CDKN2B-AS1: variants seen among roughly 807,000 people sequenced by gnomAD.
The protein encoded by CDKN2B-AS1 is CDKN2B antisense RNA 1 (non-protein coding).
At chr9:22,061,713 T>C (rs911077076) in intron 4 of CDKN2B-AS1, among the ~76,000 whole-genome samples, 5 of 152,166 alleles carry the variant, frequency 3.3e-5, no homozygotes, top group Non-Finnish European at 7.4e-5. Flanking sequence ...TCCCAGCCCT[T>C]ACAAGGTGTG....
At chr9:22,037,912 G>A (rs1296718345) in intron 1 of CDKN2B-AS1, among the ~76,000 whole-genome samples, 1 of 151,928 alleles carries the variant, frequency 6.6e-6, no homozygotes, top group African/African-American at 2.4e-5. Context: ...AGGGGAAAAT[G>A]AATATCCTAG....
rs145134970 is a variant in CDKN2B-AS1, at chr9:22,124,606, C to A, written n.439-2497C>A. Among the ~76,000 whole-genome samples the A allele has an allele frequency of 2.0e-4, 31 of 152,296 alleles. No individual in the cohort carries two copies. The East Asian group carries it at 6.0e-3, about 29-fold the overall frequency. ...AATTTTTTGTAGTAATTTCTCATCA[C>A]TTAACCTCTATTTTTTAAAAAACTA... On this transcript the variant is annotated intron_variant and non_coding_transcript_variant, in intron 4 of 4. Transcript: ENST00000650946.
intron 4 of CDKN2B-AS1, chr9:22,113,846 T>C (rs1825867122): frequency 6.6e-6 from 1 of 152,228 alleles, no homozygotes; most frequent in African/African-American, 2.4e-5. Flanking sequence ...GCTGAAAATT[T>C]CAATATCTGA....
intron 4 of CDKN2B-AS1, among the ~76,000 whole-genome samples, chr9:22,062,251 G>C (rs973489448): frequency 6.6e-6 from 1 of 152,138 alleles, no homozygotes; most frequent in Non-Finnish European, 1.5e-5. Context: ...TTGTTAGCAT[G>C]ATGAATGAAT....
intron 1 of CDKN2B-AS1, chr9:22,029,548 T>C (rs564398): frequency 0.33 from 257,433 of 778,638 alleles, 48,582 homozygotes; most frequent in Non-Finnish European, 0.41. Flanking sequence ...ACTTTCTTTG[T>C]GGTAGTTAGG....
Position 22,086,801 on chromosome 9 carries a change from C to T in CDKN2B-AS1, n.438+30414C>T, listed in dbSNP as rs145407265. Among the ~76,000 whole-genome samples the T allele has an allele frequency of 7.0e-4, 106 of 152,236 alleles. 1 individual carries two copies. The highest frequency in any genetic ancestry group is 3.4e-3 in the Middle Eastern group (1 of 292). ...TTATTTTATCTGGAATCTTAATAAA[C>T]GATTAGTTTCCAAACTGTATCTACT... On this transcript the variant is annotated intron_variant and non_coding_transcript_variant, in intron 4 of 4. Transcript: ENST00000650946.
chr9:22,071,286 T>C (rs1003639307), intron 4 of CDKN2B-AS1, among the ~76,000 whole-genome samples: 1 of 10,202 alleles, frequency 9.8e-5, no homozygotes, highest in African/African-American at 6.2e-4. Flanking sequence ...AATATCTAGC[T>C]TTTTTTTTTT....
In CDKN2B-AS1 at chr9:22,039,309, A is replaced by T. The variant is rs1359971207; in HGVS notation, n.30-7442A>T. ...CTTCCCATGTTCTCTCCCTGCAAGG[A>T]CCACCTCAAATCCCTCAGTAGTCCT... On this transcript the variant is annotated intron_variant and non_coding_transcript_variant, in intron 1 of 4. Coordinates refer to ENST00000650946, the Ensembl canonical transcript of CDKN2B-AS1. The surrounding 1 kb of genome is among the most constrained non-coding windows in gnomAD (Gnocchi z 4.4). 6.6e-6 allele frequency among the ~76,000 whole-genome samples: 1 copy of T among 152,006 alleles called. No homozygotes were observed. The highest frequency in any genetic ancestry group is 1.9e-4 in the East Asian group (1 of 5,178).
chr9:22,027,307 G>A (rs762758835), intron 1 of CDKN2B-AS1, among the ~76,000 whole-genome samples: 1 of 151,762 alleles, frequency 6.6e-6, no homozygotes, highest in Admixed American at 6.6e-5. Context: ...TCTAGGTCCA[G>A]CTCTTCCTGG....
intron 4 of CDKN2B-AS1, among the ~76,000 whole-genome samples, chr9:22,121,988 T>G (rs1001013905): frequency 1.3e-5 from 2 of 152,076 alleles, no homozygotes; most frequent in Admixed American, 1.3e-4. Context: ...TCCATAGTGG[T>G]TGTACTAGTT....
intron 1 of CDKN2B-AS1, chr9:22,008,855 G>T: frequency 6.2e-7 from 1 of 1,611,164 alleles, no homozygotes; most frequent in Non-Finnish European, 8.5e-7. Context: ...CGGCTTCCAG[G>T]AGCTGTCGCA....
intron 4 of CDKN2B-AS1, among the ~76,000 whole-genome samples, chr9:22,083,170 C>T (rs1824756764): frequency 6.6e-6 from 1 of 152,196 alleles, no homozygotes; most frequent in Non-Finnish European, 1.5e-5. Flanking sequence ...CCATTTTTCT[C>T]ATGAGAAAAT....
intron 4 of CDKN2B-AS1, among the ~76,000 whole-genome samples, chr9:22,110,524 G>A (rs1825778971): frequency 6.6e-6 from 1 of 152,080 alleles, no homozygotes; most frequent in Admixed American, 6.5e-5. Context: ...TCATCACTAT[G>A]GATCCCATCT....
At chr9:22,120,575 C>T (rs1826071803) in intron 4 of CDKN2B-AS1, 1 of 151,974 alleles carries the variant, frequency 6.6e-6, no homozygotes, top group African/African-American at 2.4e-5. Context: ...GTGGCAGAAC[C>T]AGGACTGGAA....
At chr9:22,047,983 T>C (rs866776994) in intron 2 of CDKN2B-AS1, among the ~76,000 whole-genome samples, 2 of 150,862 alleles carry the variant, frequency 1.3e-5, no homozygotes, top group African/African-American at 4.9e-5. Flanking sequence ...TTTGTAGAGA[T>C]GGGTTTTCAA....
intron 4 of CDKN2B-AS1, among the ~76,000 whole-genome samples, chr9:22,087,474 T>C (rs7857345): frequency 0.79 from 120,239 of 152,190 alleles, 48,439 homozygotes; most frequent in African/African-American, 0.94. Context: ...GTTGTGTTTT[T>C]TATTACAAGT....
chr9:22,127,064 C>T (rs1162664409), intron 4 of CDKN2B-AS1, among the ~76,000 whole-genome samples: 2 of 152,064 alleles, frequency 1.3e-5, no homozygotes. Flanking sequence ...CCAGTTGGAG[C>T]TAAATGTTTT....
At chr9:22,088,765 C>G (rs1824954347) in intron 4 of CDKN2B-AS1, among the ~76,000 whole-genome samples, 1 of 152,182 alleles carries the variant, frequency 6.6e-6, no homozygotes, top group African/African-American at 2.4e-5. Context: ...AAAAGAAAAT[C>G]ACCCAACCCT....
At chr9:22,058,815 A>C (rs1823682582) in intron 4 of CDKN2B-AS1, 1 of 178,398 alleles carries the variant, frequency 5.6e-6, no homozygotes, top group African/African-American at 2.4e-5. Context: ...CTAGACTTAC[A>C]GTTCCGCATG....
Sources: allele counts gnomAD v4.1 joint callset (sites outside exome capture counted in the v4.1 genomes callset), GRCh38; gene constraint gnomAD v4.1.1; non-coding constraint Gnocchi (gnomAD v3.1); transcripts MANE v1.5; gene names NCBI Gene and HGNC (gene_info 2026-07-23, HGNC 2026-07-21).